The following TBC1D5 variants were observed in gnomAD, a reference collection of about 807,000 sequenced individuals.
TBC1D5 encodes TBC1 domain family member 5.
In TBC1D5, 75 loss-of-function variants were observed where a neutral mutation model predicts 100.3. That is an observed-to-expected ratio of 0.75 (90% confidence interval 0.62 to 0.91). The LOEUF is 0.91. Ranked by LOEUF, TBC1D5 falls within the 40% of genes least tolerant of loss-of-function variation. TBC1D5 has a pLI of 0.00. For missense variants in TBC1D5, 910 were observed against 942.4 expected, an observed-to-expected ratio of 0.97 and a Z score of 0.45; for synonymous variants, 323 against 325.6, an observed-to-expected ratio of 0.99 and a Z score of 0.09.
chr3:17,582,785 CA>C (rs140257082), intron 2 of TBC1D5, among the ~76,000 whole-genome samples: 2 of 132,620 alleles, frequency 1.5e-5, no homozygotes, highest in Non-Finnish European at 3.3e-5. Flanking sequence ...TACCAAAAAG[CA>C]AAAAAAAACA....
chr3:17,400,096 C>T (rs73156378), intron 8 of TBC1D5, among the ~76,000 whole-genome samples: 13,764 of 152,088 alleles, frequency 0.091, 1,413 homozygotes, highest in African/African-American at 0.25. Flanking sequence ...CTCTCCCCGA[C>T]ACCACACTAA....
intron 3 of TBC1D5, among the ~76,000 whole-genome samples, chr3:17,434,485 G>A (rs2094500117): frequency 6.6e-6 from 1 of 152,278 alleles, no homozygotes. Context: ...TACAGCTGGA[G>A]CTGAAGCAGC....
intron 13 of TBC1D5, among the ~76,000 whole-genome samples, chr3:17,364,950 T>C (rs936847089): frequency 5.9e-5 from 9 of 152,226 alleles, no homozygotes; most frequent in Non-Finnish European, 1.2e-4. Flanking sequence ...ACATCTTTTA[T>C]GAGCATTTTT....
intron 8 of TBC1D5, among the ~76,000 whole-genome samples, chr3:17,397,169 A>C (rs2093530169): frequency 6.6e-6 from 1 of 152,104 alleles, no homozygotes; most frequent in Non-Finnish European, 1.5e-5. Context: ...TTACTTCCCT[A>C]CCTGCTCCTT....
chr3:17,660,599 A>G (rs1230492439), intron 1 of TBC1D5, among the ~76,000 whole-genome samples: 2 of 152,234 alleles, frequency 1.3e-5, no homozygotes, highest in Non-Finnish European at 2.9e-5. Flanking sequence ...ACTGGAACTG[A>G]AGAATGTTTG....
intron 13 of TBC1D5, among the ~76,000 whole-genome samples, chr3:17,309,804 A>G (rs1179566422): frequency 6.6e-6 from 1 of 152,148 alleles, no homozygotes; most frequent in Non-Finnish European, 1.5e-5. Flanking sequence ...AGATGGGCAC[A>G]GCAAAAAAGT....
chr3:17,280,602 C>T (rs759537556), intron 15 of TBC1D5, among the ~76,000 whole-genome samples: 5 of 152,250 alleles, frequency 3.3e-5, no homozygotes, highest in South Asian at 2.1e-4. Context: ...TTGATGGTGT[C>T]GCTTTGGAAA....
chr3:17,351,955 T>A (rs1575478688), intron 13 of TBC1D5, among the ~76,000 whole-genome samples: 1 of 146,966 alleles, frequency 6.8e-6, no homozygotes, highest in Admixed American at 6.8e-5. Context: ...AAAAAAACCC[T>A]CAAACAACGT....
At chr3:17,643,191 G>A (rs1025935666) in intron 1 of TBC1D5, among the ~76,000 whole-genome samples, 1 of 151,952 alleles carries the variant, frequency 6.6e-6, no homozygotes, top group African/African-American at 2.4e-5. Context: ...TTTGTAGAAT[G>A]TGTCTCAATT....
At chr3:17,193,319 T>G (rs1017427667) in intron 18 of TBC1D5, among the ~76,000 whole-genome samples, 1 of 152,192 alleles carries the variant, frequency 6.6e-6, no homozygotes, top group African/African-American at 2.4e-5. Flanking sequence ...CCTGCAAAAA[T>G]TTTCTCTACC....
chr3:17,419,175 A>G (rs559024014), intron 4 of TBC1D5, among the ~76,000 whole-genome samples: 25 of 152,350 alleles, frequency 1.6e-4, no homozygotes, highest in African/African-American at 5.3e-4. Flanking sequence ...ACTTTTGCCA[A>G]TAACTTTCTA....
At chr3:17,179,826 C>T (rs1039844374) in intron 19 of TBC1D5, among the ~76,000 whole-genome samples, 1 of 152,158 alleles carries the variant, frequency 6.6e-6, no homozygotes, top group African/African-American at 2.4e-5. Flanking sequence ...CTGCTGGAAA[C>T]CAAGGTGTCC....
intron 2 of TBC1D5, among the ~76,000 whole-genome samples, chr3:17,512,331 A>T (rs147992250): frequency 6.6e-6 from 1 of 152,108 alleles, no homozygotes; most frequent in Non-Finnish European, 1.5e-5. Flanking sequence ...AAATTTTTAA[A>T]CAATCACTGT....
At chr3:17,535,058 T>C (rs2153400534) in intron 2 of TBC1D5, among the ~76,000 whole-genome samples, 1 of 152,334 alleles carries the variant, frequency 6.6e-6, no homozygotes, top group East Asian at 1.9e-4. Flanking sequence ...TTTTCCTTGA[T>C]TGTGTAACAA....
At chr3:17,661,536 C>G (rs937527049) in intron 1 of TBC1D5, among the ~76,000 whole-genome samples, 2 of 143,332 alleles carry the variant, frequency 1.4e-5, no homozygotes, top group Non-Finnish European at 3.0e-5. Context: ...GAGTCTTGCT[C>G]TCTCACTAGA....
chr3:17,654,239 G>C (rs777234579), intron 1 of TBC1D5, among the ~76,000 whole-genome samples: 7 of 152,054 alleles, frequency 4.6e-5, no homozygotes, highest in Non-Finnish European at 8.8e-5. Context: ...AATATCACTA[G>C]AATTACACTG....
chr3:17,663,328 A>G (rs2066860358), intron 1 of TBC1D5, among the ~76,000 whole-genome samples: 2 of 151,934 alleles, frequency 1.3e-5, no homozygotes, highest in African/African-American at 4.8e-5. Context: ...TCAACTCACT[A>G]GTTTAAAAAA....
chr3:17,661,192 A>G (rs1315663135), intron 1 of TBC1D5, among the ~76,000 whole-genome samples: 1 of 152,162 alleles, frequency 6.6e-6, no homozygotes, highest in African/African-American at 2.4e-5. Context: ...CTACAAGGAC[A>G]CTCCGCTCAA....
At chr3:17,519,121 G>A (rs2096031762) in intron 2 of TBC1D5, 1 of 152,296 alleles carries the variant, frequency 6.6e-6, no homozygotes, top group Admixed American at 6.5e-5. Flanking sequence ...TGTATACCAG[G>A]GCTCAGGGAA....
Sources: allele counts gnomAD v4.1 joint callset (sites outside exome capture counted in the v4.1 genomes callset), GRCh38; gene constraint gnomAD v4.1.1; transcripts MANE v1.5; gene names NCBI Gene and HGNC (gene_info 2026-07-23, HGNC 2026-07-21).